The following SPAG16 variants were observed in gnomAD, a reference collection of about 807,000 sequenced individuals.
The protein encoded by SPAG16 is sperm-associated antigen 16 protein.
Under a neutral mutation model 80.4 loss-of-function variants are expected in SPAG16, and 86 were observed. The observed-to-expected ratio is 1.07, with a 90% CI of 0.90 to 1.28. SPAG16 has a LOEUF of 1.28. Ranked by LOEUF, SPAG16 falls within the 50% of genes most tolerant of loss-of-function variation. SPAG16 has a pLI of 0.00. For missense variants in SPAG16, 870 were observed against 765.3 expected, an observed-to-expected ratio of 1.14 and a Z score of -1.61; for synonymous variants, 294 against 265.9, an observed-to-expected ratio of 1.11 and a Z score of -1.03.
chr2:213,576,582 A>G (rs925772094), intron 10 of SPAG16, among the ~76,000 whole-genome samples: 1 of 152,164 alleles, frequency 6.6e-6, no homozygotes, highest in Non-Finnish European at 1.5e-5. Context: ...CCAAATTTCC[A>G]TCAATGATAG....
rs576361695 is a variant in SPAG16 at position 213,725,216 on chromosome 2, G to A, written c.1071-137269G>A. Among the ~76,000 whole-genome samples the A allele has an allele frequency of 2.4e-4, 37 of 152,012 alleles. 1 individual carries two copies. The highest frequency in any genetic ancestry group is 7.7e-4 in the African/African-American group (32 of 41,390). On this transcript the variant is annotated intron_variant, in intron 10 of 15. Coordinates refer to ENST00000331683, the MANE Select transcript of SPAG16 (RefSeq NM_024532.5). ...CCCAGCTAATTTTTGTAGAGACAGG[G>A]TTTTGTCACTTTGCCCAGGCTGGTC...
At position 213,754,528 on chromosome 2, in the gene SPAG16, C is replaced by G. The variant is rs1046166945; in HGVS notation, c.1071-107957C>G. Among the ~76,000 whole-genome samples the G allele has an allele frequency of 2.0e-5, 3 of 152,122 alleles. No individual in the cohort carries two copies. In the East Asian group the frequency reaches 5.8e-4, roughly 29 times the overall value. ...AGATTATGTCTAGTCAGTGTAGCTT[C>G]ATAATTGATGTAAAACAATGCAGAA... is the stretch of plus-strand genomic sequence containing the variant. On this transcript the variant is annotated intron_variant, in intron 10 of 15. Transcript: ENST00000331683.
At chr2:214,040,979 T>C (rs1199269636) in intron 13 of SPAG16, among the ~76,000 whole-genome samples, 1 of 152,122 alleles carries the variant, frequency 6.6e-6, no homozygotes, top group African/African-American at 2.4e-5. Flanking sequence ...TATAGTAAAT[T>C]GGATCTTCTT....
intron 10 of SPAG16, among the ~76,000 whole-genome samples, chr2:213,723,700 G>C (rs2125401795): frequency 6.6e-6 from 1 of 152,286 alleles, no homozygotes; most frequent in Middle Eastern, 3.4e-3. Context: ...AGCTAATAGA[G>C]ATTTTTAGGT....
At chr2:214,291,506 C>T (rs1020841618) in intron 15 of SPAG16, among the ~76,000 whole-genome samples, 3 of 151,222 alleles carry the variant, frequency 2.0e-5, no homozygotes, top group Admixed American at 1.3e-4. Context: ...GGGGTTTCAC[C>T]GTTTTAGCCG....
At chr2:214,009,418 T>C (rs1040198760) in intron 12 of SPAG16, among the ~76,000 whole-genome samples, 120 of 152,300 alleles carry the variant, frequency 7.9e-4, no homozygotes, top group African/African-American at 2.7e-3. Context: ...TATATTCCTG[T>C]GCTATGTTTA....
At chr2:213,284,681 C>A in intron 1 of SPAG16, 62 bp downstream of exon 1, 2 of 1,534,280 alleles carry the variant, frequency 1.3e-6, no homozygotes, top group South Asian at 2.4e-5. Flanking sequence ...GGGACGAAGG[C>A]GAGGGCCTCC....
chr2:214,315,501 TTTTATTTATTTATTTA>T (rs145465479), intron 15 of SPAG16, among the ~76,000 whole-genome samples: 13,839 of 144,192 alleles, frequency 0.096, 800 homozygotes, highest in Middle Eastern at 0.17. Flanking sequence ...GCCCCATCTT[TTTTATTTATTTATTTA>T]TTTATTTATT....
intron 10 of SPAG16, among the ~76,000 whole-genome samples, chr2:213,820,354 C>A (rs185294410): frequency 6.6e-6 from 1 of 151,592 alleles, no homozygotes; most frequent in African/African-American, 2.4e-5. Flanking sequence ...TTTTGGTAAC[C>A]TTTTTTTTGT....
intron 8 of SPAG16, among the ~76,000 whole-genome samples, chr2:213,366,642 C>A (rs1239569171): frequency 1.3e-5 from 2 of 152,142 alleles, no homozygotes; most frequent in Admixed American, 1.3e-4. Flanking sequence ...AAATACCTCC[C>A]ACCTGGTCCC....
intron 15 of SPAG16, among the ~76,000 whole-genome samples, chr2:214,196,890 C>A (rs183871587): frequency 1.9e-4 from 29 of 152,020 alleles, no homozygotes; most frequent in African/African-American, 7.0e-4. Context: ...GCTTTATATT[C>A]GGTTGAAAAA....
At chr2:213,438,794 G>A (rs142442358) in intron 9 of SPAG16, among the ~76,000 whole-genome samples, 1 of 152,160 alleles carries the variant, frequency 6.6e-6, no homozygotes, top group Admixed American at 6.5e-5. Context: ...ATCTTGCATA[G>A]GTCTAACCTA....
At chr2:213,535,532 T>C (rs191737485) in intron 10 of SPAG16, among the ~76,000 whole-genome samples, 1 of 152,284 alleles carries the variant, frequency 6.6e-6, no homozygotes, top group East Asian at 1.9e-4. Flanking sequence ...AACTTTTTTG[T>C]AATTTCTTTG....
intron 10 of SPAG16, among the ~76,000 whole-genome samples, chr2:213,718,918 T>C (rs1574929319): frequency 1.3e-5 from 2 of 152,218 alleles, no homozygotes; most frequent in African/African-American, 2.4e-5. Flanking sequence ...CCTGCAGCCC[T>C]GGTGCGGGAT....
chr2:213,449,180 G>A (rs1035079486), intron 9 of SPAG16, among the ~76,000 whole-genome samples: 1 of 152,122 alleles, frequency 6.6e-6, no homozygotes, highest in East Asian at 1.9e-4. Context: ...GAACCCTCAG[G>A]CTTACTAGGG....
intron 9 of SPAG16, among the ~76,000 whole-genome samples, chr2:213,416,368 C>T (rs552156484): frequency 2.0e-5 from 3 of 152,206 alleles, no homozygotes; most frequent in African/African-American, 7.2e-5. Flanking sequence ...GGGTAGGGTC[C>T]CAGCAGTCAT....
intron 11 of SPAG16, among the ~76,000 whole-genome samples, chr2:213,913,555 ATC>A (rs1167000349): frequency 6.8e-5 from 10 of 146,966 alleles, no homozygotes; most frequent in Middle Eastern, 7.1e-3. Context: ...TATTGTGTGT[ATC>A]TCTCTGTGTG....
chr2:213,953,619 GA>G (rs1007100399), intron 12 of SPAG16, among the ~76,000 whole-genome samples: 3 of 151,416 alleles, frequency 2.0e-5, no homozygotes, highest in Non-Finnish European at 3.0e-5. Context: ...AAATTAAAAA[GA>G]AAAAAATTTT....
intron 15 of SPAG16, among the ~76,000 whole-genome samples, chr2:214,271,845 C>T (rs529696974): frequency 3.5e-5 from 5 of 142,622 alleles, no homozygotes; most frequent in Admixed American, 7.0e-5. Context: ...GTGGGAAACC[C>T]CCCCCCCAAA....
Sources: gnomAD v4.1 joint callset for allele counts (sites outside exome capture counted in the v4.1 genomes callset) on GRCh38, gnomAD v4.1.1 for gene constraint, MANE v1.5 for transcripts, NCBI Gene and HGNC (gene_info 2026-07-23, HGNC 2026-07-21) for gene names.